RTN4: variants seen among roughly 807,000 people sequenced by gnomAD.
The protein encoded by RTN4 is reticulon-4.
Under a neutral mutation model 90.4 loss-of-function variants are expected in RTN4, and 32 were observed. The ratio of observed to expected loss-of-function variants is 0.35; its 90% CI spans 0.27 to 0.48. The LOEUF is 0.48. Among genes scored for constraint, RTN4 ranks in the 20% least tolerant of loss-of-function variants. RTN4 has a pLI of 0.99. For missense variants in RTN4, 1,706 were observed against 1,430.2 expected (o/e 1.19, Z -3.11); for synonymous variants, 629 against 552.5 (o/e 1.14, Z -1.94).
chr2:55,050,344 C>A lies in RTN4; in HGVS notation c.-44G>T. The A allele has an allele frequency of 7.8e-7, 1 of 1,284,266 alleles. No individual in the cohort carries two copies. Among genetic ancestry groups the A allele is most frequent in the South Asian group, 2.0e-5 (1 of 50,216 alleles). The allele number at this position is 1,284,266 out of a possible 1,614,324, so 79.6% of individuals were successfully genotyped here. The stretch of plus-strand genomic sequence containing the variant: ...ATGCTGCAGCTGCTGCCGCCGCCGC[C>A]GGGGCCGCGTCTCAGAGCCGCGGGC... On this transcript the variant is annotated 5_prime_UTR_variant, in exon 1 of 9. Transcript: ENST00000337526. The surrounding 1 kb of genome is among the most constrained non-coding windows in gnomAD (Gnocchi z 4.6).
chr2:55,022,577 G>A (rs755047505), intron 3 of RTN4, among the ~76,000 whole-genome samples: 5 of 151,988 alleles, frequency 3.3e-5, no homozygotes, highest in Non-Finnish European at 5.9e-5. Flanking sequence ...AGAGACCTTG[G>A]GCAAAAGTCT....
the RTN4 span, among the ~76,000 whole-genome samples, chr2:55,131,525 C>T: frequency 1.3e-5 from 2 of 152,090 alleles, no homozygotes; most frequent in African/African-American, 2.4e-5. Context: ...TTTTTTAATA[C>T]TTTTTAAAGC....
At chr2:55,042,752 T>C (rs1330788135) in intron 1 of RTN4, among the ~76,000 whole-genome samples, 1 of 152,194 alleles carries the variant, frequency 6.6e-6, no homozygotes, top group African/African-American at 2.4e-5. Flanking sequence ...AGCATCTTTC[T>C]CATTCAACAA....
At chr2:55,042,959 C>G (rs1218910913) in intron 1 of RTN4, among the ~76,000 whole-genome samples, 1 of 152,030 alleles carries the variant, frequency 6.6e-6, no homozygotes, top group African/African-American at 2.4e-5. Flanking sequence ...TATGGAAACA[C>G]GTGATGAAAG....
chr2:55,020,218 TG>T (rs1045726307), intron 3 of RTN4, among the ~76,000 whole-genome samples: 4 of 152,140 alleles, frequency 2.6e-5, no homozygotes, highest in Admixed American at 6.6e-5. Context: ...AAAATCTGTA[TG>T]GAACCACAAG....
rs935073362 is a variant in RTN4 at position 54,973,807 on chromosome 2, A to G, written c.3477+14T>C. 1 of 1,610,992 alleles carries G rather than the reference A, an allele frequency of 6.2e-7. No homozygotes were observed. The highest frequency in any genetic ancestry group is 1.3e-5 in the African/African-American group (1 of 74,750). The stretch of plus-strand genomic sequence containing the variant: ...GTGCTCTATTCTGAAGTCAGCAGTT[A>G]GTTAGGAAATTACCTGATGCCGTTC... On this transcript the variant is annotated intron_variant, in intron 7 of 8. Transcript: ENST00000337526.
chr2:55,097,533 G>A (rs775248100), intron 1 of RTN4, among the ~76,000 whole-genome samples: 12 of 152,080 alleles, frequency 7.9e-5, no homozygotes, highest in Non-Finnish European at 1.3e-4. Flanking sequence ...CCCCAGAGAT[G>A]GCAAAGCTTG....
At chr2:55,061,383 C>T (rs1342789877) in intron 2 of RTN4, among the ~76,000 whole-genome samples, 1 of 152,114 alleles carries the variant, frequency 6.6e-6, no homozygotes, top group Non-Finnish European at 1.5e-5. Flanking sequence ...AAATAACAAT[C>T]ACAGCTGACA....
chr2:55,088,032 G>A (rs1668875799), intron 1 of RTN4, among the ~76,000 whole-genome samples: 1 of 152,182 alleles, frequency 6.6e-6, no homozygotes, highest in Admixed American at 6.5e-5. Flanking sequence ...TATTTAAGCG[G>A]GGCCTGGGGA....
At chr2:55,058,756 T>A (rs1430314477) in intron 2 of RTN4, among the ~76,000 whole-genome samples, 1 of 152,226 alleles carries the variant, frequency 6.6e-6, no homozygotes, top group Non-Finnish European at 1.5e-5. Flanking sequence ...AGAAATCATC[T>A]CTACAGTCAA....
chr2:55,102,909 G>C (rs369196178), intron 1 of RTN4, among the ~76,000 whole-genome samples: 1 of 151,778 alleles, frequency 6.6e-6, no homozygotes, highest in African/African-American at 2.4e-5. Context: ...ACCTGAGGTC[G>C]GGAGTTTGAG....
chr2:55,043,399 G>T (rs1683201222), intron 1 of RTN4, among the ~76,000 whole-genome samples: 1 of 152,120 alleles, frequency 6.6e-6, no homozygotes. Context: ...ACCTTAAAAA[G>T]GAACCATTAA....
At chr2:54,985,893 T>C (rs1233003535) in intron 4 of RTN4, among the ~76,000 whole-genome samples, 1 of 152,254 alleles carries the variant, frequency 6.6e-6, no homozygotes, top group African/African-American at 2.4e-5. Flanking sequence ...AAGTTAGAAA[T>C]AGTTTTTAAA....
chr2:55,095,348 A>C (rs570068078), intron 1 of RTN4, among the ~76,000 whole-genome samples: 3 of 152,132 alleles, frequency 2.0e-5, no homozygotes, highest in East Asian at 1.9e-4. Flanking sequence ...AGACAAAAAA[A>C]CCCAAATATT....
At chr2:55,137,615 T>C in the RTN4 span, among the ~76,000 whole-genome samples, 2 of 151,968 alleles carry the variant, frequency 1.3e-5, no homozygotes, top group Non-Finnish European at 2.9e-5. Context: ...GACTACAGCC[T>C]CCCCACAGGT....
intron 3 of RTN4, among the ~76,000 whole-genome samples, chr2:54,990,810 G>C (rs1036439029): frequency 1.3e-5 from 2 of 151,698 alleles, no homozygotes; most frequent in African/African-American, 4.8e-5. Flanking sequence ...TTTTGAGACA[G>C]AGTCTCGCAC....
intron 3 of RTN4, among the ~76,000 whole-genome samples, chr2:55,011,458 C>T (rs543739366): frequency 5.9e-5 from 9 of 152,290 alleles, no homozygotes; most frequent in African/African-American, 2.2e-4. Flanking sequence ...TCACCTGATA[C>T]TTATATCTGC....
chr2:55,011,463 A>G (rs1170917122), intron 3 of RTN4, among the ~76,000 whole-genome samples: 1 of 152,236 alleles, frequency 6.6e-6, no homozygotes, highest in Non-Finnish European at 1.5e-5. Flanking sequence ...TGATACTTAT[A>G]TCTGCCTAAG....
At position 54,973,810 on chromosome 2, in the gene RTN4, T is replaced by C. The variant is rs1677361992; in HGVS notation, c.3477+11A>G. The C allele has an allele frequency of 3.1e-6, 5 of 1,612,164 alleles. No individual in the cohort carries two copies. The highest frequency in any genetic ancestry group is 1.3e-5 in the African/African-American group (1 of 74,842). On this transcript the variant is annotated intron_variant, in intron 7 of 8. Transcript: ENST00000337526. ...CTCTATTCTGAAGTCAGCAGTTAGT[T>C]AGGAAATTACCTGATGCCGTTCATA...
Sources: gnomAD v4.1 joint callset for allele counts (sites outside exome capture counted in the v4.1 genomes callset) on GRCh38, gnomAD v4.1.1 for gene constraint, Gnocchi (gnomAD v3.1) non-coding constraint, MANE v1.5 for transcripts, NCBI Gene and HGNC (gene_info 2026-07-23, HGNC 2026-07-21) for gene names.